The following MYH14 variants were observed in gnomAD, a reference collection of about 807,000 sequenced individuals.
MYH14 encodes myosin heavy chain 14.
MYH14 carries 123 observed loss-of-function variants against 255.5 expected under a neutral mutation model. The ratio of observed to expected loss-of-function variants is 0.48; its 90% CI spans 0.42 to 0.56. MYH14 has a LOEUF of 0.56. MYH14 is among the 20% of genes least tolerant of loss of function. The pLI, the probability that MYH14 is intolerant of heterozygous loss-of-function variation, is 0.00. For synonymous variants in MYH14, 1,095 were observed against 1,161.2 expected, an observed-to-expected ratio of 0.94 and a Z score of 1.16; for missense variants, 2,423 against 2,802.3, an observed-to-expected ratio of 0.86 and a Z score of 3.06.
intron 40 of MYH14, among the ~76,000 whole-genome samples, chr19:50,306,760 G>T (rs1331333938): frequency 6.6e-6 from 1 of 152,106 alleles, no homozygotes; most frequent in Non-Finnish European, 1.5e-5. Flanking sequence ...GTTTGTAAAT[G>T]ATCCTCTTTG....
At chr19:50,210,149 G>A (rs1300747653) in intron 1 of MYH14, among the ~76,000 whole-genome samples, 2 of 142,110 alleles carry the variant, frequency 1.4e-5, no homozygotes, top group East Asian at 4.3e-4. Context: ...TCTGAGCCTG[G>A]TTCACAGCCT....
intron 10 of MYH14, among the ~76,000 whole-genome samples, chr19:50,242,735 G>A (rs960579729): frequency 2.0e-5 from 3 of 152,188 alleles, no homozygotes; most frequent in African/African-American, 7.2e-5. Flanking sequence ...CATGAAATCA[G>A]TACTCCTGGT....
At chr19:50,292,240 T>C (rs1205721306) in intron 36 of MYH14, 21 bp from the exon 37 acceptor site, 27 of 1,587,686 alleles carry the variant, frequency 1.7e-5, no homozygotes, top group East Asian at 2.3e-5. Context: ...TGAGCCCATC[T>C]ACCTATTCCG....
chr19:50,249,718 C>T lies in MYH14; in HGVS notation c.1551C>T (p.Thr517=). The T allele has an allele frequency of 6.2e-7, 1 of 1,614,242 alleles. No individual in the cohort carries two copies. The highest frequency in any genetic ancestry group is 1.1e-5 in the South Asian group (1 of 91,080). ...AGCTGCAGCAGCTCTTCAACCACAC[C>T]ATGTTCGTGCTGGAGCAGGAGGAGT... ...NEKLQQLFNH[T]MFVLEQEEYQ... The change falls in exon 14 of 43, where the codon ACC becomes ACT. Residue 517 remains threonine, a synonymous_variant. Transcript: ENST00000642316.
In MYH14 at chr19:50,276,346, T is replaced by A; in HGVS notation, c.3680+143T>A. 1 of 729,462 alleles carries A rather than the reference T, an allele frequency of 1.4e-6. No individual in the cohort carries two copies. The highest frequency in any genetic ancestry group is 2.7e-5 in the East Asian group (1 of 36,692). 45.2% of individuals were successfully genotyped at this position (729,462 alleles called of 1,614,324 possible). A position where few individuals can be genotyped will look rare whatever the true frequency, so the allele number is the denominator to read the frequency against. On this transcript the variant is annotated intron_variant, in intron 28 of 42. Coordinates refer to ENST00000642316, the MANE Select transcript of MYH14 (RefSeq NM_001145809.2). The surrounding 1 kb of genome is among the most constrained non-coding windows in gnomAD (Gnocchi z 4.3). ...CCACCGGCTCTAGGTCCGGCCTGGG[T>A]CAAGCTGGGGACAGAGATGGGTCAG...
At chr19:50,227,115 AG>A in intron 8 of MYH14, 149 bp downstream of exon 8, 1 of 393,398 alleles carries the variant, frequency 2.5e-6, no homozygotes. Flanking sequence ...TGGGGAGGGG[AG>A]GGTGGGACTT....
At chr19:50,254,894 C>T (rs1016247631) in intron 16 of MYH14, among the ~76,000 whole-genome samples, 2 of 152,150 alleles carry the variant, frequency 1.3e-5, no homozygotes, top group Non-Finnish European at 2.9e-5. Context: ...TCTTGAGCTT[C>T]CTGGCAGCCA....
chr19:50,246,854 C>A, intron 11 of MYH14, 150 bp from the exon 12 acceptor site: 1 of 598,748 alleles, frequency 1.7e-6, no homozygotes, highest in Non-Finnish European at 3.0e-6. Flanking sequence ...AGAGAATGTA[C>A]ACACTTTTGG....
At chr19:50,227,023 A>G (rs1196706040) in intron 8 of MYH14, 57 bp downstream of exon 8, 1 of 1,550,220 alleles carries the variant, frequency 6.5e-7, no homozygotes, top group African/African-American at 1.4e-5. Context: ...TTCAGACAGC[A>G]CTGAGTATGG....
intron 42 of MYH14, 30 bp downstream of exon 42, chr19:50,309,207 G>A: frequency 1.9e-6 from 3 of 1,608,820 alleles, no homozygotes; most frequent in Non-Finnish European, 2.6e-6. Context: ...AGGCCTGACG[G>A]GTGGGGAGCA....
chr19:50,273,598 G>A (rs2035393475), intron 27 of MYH14, among the ~76,000 whole-genome samples: 1 of 95,378 alleles, frequency 1.0e-5, no homozygotes, highest in Admixed American at 9.2e-5. Flanking sequence ...ATGGAACATG[G>A]GGGGTGTGTG....
chr19:50,217,924 C>A (rs2032576743), intron 3 of MYH14, among the ~76,000 whole-genome samples, 153 bp downstream of exon 3: 3 of 152,140 alleles, frequency 2.0e-5, no homozygotes, highest in Non-Finnish European at 2.9e-5. Context: ...CAAGTAGAGG[C>A]CTGAGTGGGT....
chr19:50,218,515 G>A (rs893429211), intron 3 of MYH14, among the ~76,000 whole-genome samples: 47 of 151,932 alleles, frequency 3.1e-4, no homozygotes, highest in Non-Finnish European at 5.0e-4. Flanking sequence ...GGAGAATGGC[G>A]TGAACCCGGG....
At chr19:50,220,083 A>G (rs1374023707) in intron 3 of MYH14, among the ~76,000 whole-genome samples, 2 of 151,994 alleles carry the variant, frequency 1.3e-5, no homozygotes, top group African/African-American at 2.4e-5. Context: ...AACCCCATGT[A>G]ATAGTACACA....
intron 20 of MYH14, 122 bp downstream of exon 20, chr19:50,260,837 A>T (rs1187974249): frequency 2.9e-6 from 2 of 690,690 alleles, no homozygotes; most frequent in Non-Finnish European, 5.0e-6. Context: ...GTGTGCATGC[A>T]CGTGTGTGCG....
chr19:50,268,125 TGC>T (rs1466217113), intron 23 of MYH14, 34 bp from the exon 24 acceptor site: 54 of 1,528,032 alleles, frequency 3.5e-5, no homozygotes, highest in Non-Finnish European at 4.7e-5. Flanking sequence ...CTGGGAGCAC[TGC>T]CTGCTGACCA....
In MYH14 at chr19:50,286,642, T is replaced by C. The variant is rs770700108; in HGVS notation, c.4700T>C (p.Leu1567Pro). 6.3e-7 allele frequency: 1 copy of C among 1,591,090 alleles called. No homozygotes were observed. The highest frequency in any genetic ancestry group is 8.6e-7 in the Non-Finnish European group (1 of 1,169,522). ...GAGCTGGAGCGGCAGAACCGGGCCC[T>C]GCGGGCTGAGCTGGAGGCACTGCTG... ...REELERQNRA[L>P]RAELEALLSS... Residue 1567 changes from leucine to proline, a missense_variant, in exon 34 of 43, where the codon CTG becomes CCG. By Grantham distance (98) the Leu-to-Pro change is moderately conservative. Coordinates refer to ENST00000642316, the MANE Select transcript of MYH14 (RefSeq NM_001145809.2).
intron 39 of MYH14, among the ~76,000 whole-genome samples, chr19:50,295,026 T>TAA (rs373838791): frequency 7.1e-6 from 1 of 141,826 alleles, no homozygotes; most frequent in African/African-American, 2.7e-5. Context: ...TTTTTTTTTT[T>TAA]AAAAACAGGC....
At chr19:50,215,020 G>GC (rs1027192216) in intron 2 of MYH14, among the ~76,000 whole-genome samples, 33 of 152,164 alleles carry the variant, frequency 2.2e-4, no homozygotes, top group Non-Finnish European at 5.9e-5. Flanking sequence ...GAGGGGAGCG[G>GC]GGGGGCAGGT....
Sources: gnomAD v4.1 joint callset for allele counts (sites outside exome capture counted in the v4.1 genomes callset) on GRCh38, gnomAD v4.1.1 for gene constraint, Gnocchi (gnomAD v3.1) non-coding constraint, MANE v1.5 for transcripts, NCBI Gene and HGNC (gene_info 2026-07-23, HGNC 2026-07-21) for gene names.